Variants in ADGRG1 observed in about 807,000 individuals in gnomAD.
ADGRG1 encodes the protein adhesion G protein-coupled receptor G1, also known as 7-transmembrane protein with no EGF-like N-terminal domains-1.
Under a neutral mutation model 73.5 loss-of-function variants are expected in ADGRG1, and 53 were observed. That is an observed-to-expected ratio of 0.72 (90% confidence interval 0.58 to 0.91). The LOEUF (loss-of-function observed/expected upper bound fraction) is 0.91. Ranked by LOEUF, ADGRG1 falls within the 40% of genes least tolerant of loss-of-function variation. ADGRG1 has a pLI of 0.00. For missense variants in ADGRG1, 795 were observed against 871.8 expected (o/e 0.91, Z 1.11); for synonymous variants, 394 against 374.4 (o/e 1.05, Z -0.60).
In ADGRG1 at chr16:57,665,465, A is replaced by T. The variant is rs1202431234; in HGVS notation, c.*1883A>T. ...TCCAAAACATTTTCTGGCCAAAGAG[A>T]TTACAGTCAAAAGCTGCCTGGTCCT... On this transcript the variant is annotated 3_prime_UTR_variant, in exon 14 of 14. Coordinates refer to ENST00000562631, the MANE Select transcript of ADGRG1 (RefSeq NM_201525.4). 1 of 152,194 alleles carries T rather than the reference A, an allele frequency of 6.6e-6. No individual in the cohort carries two copies. The highest frequency in any genetic ancestry group is 2.4e-5 in the African/African-American group (1 of 41,440). 9.4% of individuals were successfully genotyped at this position (152,194 alleles called of 1,614,324 possible).
At chr16:57,636,435 A>T in intron 1 of ADGRG1, 1 of 985,228 alleles carries the variant, frequency 1.0e-6, no homozygotes, top group African/African-American at 1.7e-5. Flanking sequence ...TTCAGATCCT[A>T]TCAGGCTATG....
chr16:57,652,461 G>T (rs981475279), intron 3 of ADGRG1, among the ~76,000 whole-genome samples: 3 of 152,120 alleles, frequency 2.0e-5, no homozygotes, highest in Non-Finnish European at 2.9e-5. Flanking sequence ...AGTGGTGGGG[G>T]GTTCCCCACA....
intron 1 of ADGRG1, 26 bp downstream of exon 1, chr16:57,628,828 G>A: frequency 1.0e-6 from 1 of 986,034 alleles, no homozygotes. Flanking sequence ...CTGGACAGCA[G>A]GTGGGAAGGG....
chr16:57,653,840 T>C (rs2044759647), intron 4 of ADGRG1, 146 bp from the exon 5 acceptor site: 1 of 1,568,436 alleles, frequency 6.4e-7, no homozygotes, highest in Admixed American at 1.7e-5. Context: ...CCACTCTCTC[T>C]TGCCCACCCC....
At chr16:57,651,172 G>T (rs1305038182) in intron 2 of ADGRG1, 28 bp from the exon 3 acceptor site, 2 of 1,613,434 alleles carry the variant, frequency 1.2e-6, no homozygotes, top group Non-Finnish European at 1.7e-6. Context: ...CTGCCACGGG[G>T]TCCCATCTGC....
intron 4 of ADGRG1, 47 bp from the exon 5 acceptor site, chr16:57,653,939 G>T (rs1323166493): frequency 6.8e-6 from 11 of 1,611,732 alleles, no homozygotes; most frequent in East Asian, 2.2e-5. Flanking sequence ...CTCCCTGGTG[G>T]CCCGGCCCCC....
At chr16:57,645,698 C>T (rs1479527037) in intron 1 of ADGRG1, among the ~76,000 whole-genome samples, 1 of 152,210 alleles carries the variant, frequency 6.6e-6, no homozygotes, top group Non-Finnish European at 1.5e-5. Context: ...AGCTCCCAAG[C>T]CCACCCCATC....
chr16:57,623,818 G>C, upstream of ADGRG1: 1 of 985,402 alleles, frequency 1.0e-6, no homozygotes, highest in Non-Finnish European at 1.2e-6. Flanking sequence ...CCTGTGTCCA[G>C]GAGGCTTTCC....
intron 1 of ADGRG1, chr16:57,643,931 G>A: frequency 1.0e-6 from 1 of 983,712 alleles, no homozygotes; most frequent in Non-Finnish European, 1.2e-6. Flanking sequence ...GTAGCCCTGA[G>A]TGCCACCTGG....
At chr16:57,637,450 T>C in intron 1 of ADGRG1, 1 of 985,352 alleles carries the variant, frequency 1.0e-6, no homozygotes, top group East Asian at 1.1e-4. Context: ...AGGCGTGGTG[T>C]GCCTCGTCTG....
chr16:57,655,934 C>T lies in ADGRG1; in HGVS notation c.959C>T (p.Thr320Ile). Residue 320 changes from threonine (T) to isoleucine (I), a missense_variant, in exon 7 of 14, where the codon ACC becomes ATC. Thr to Ile is a moderately conservative substitution (Grantham distance 89). Coordinates refer to ENST00000562631, the MANE Select transcript of ADGRG1 (RefSeq NM_201525.4). The stretch of plus-strand genomic sequence containing the variant: ...GTCTTGGGGATTGTGGTACAGAACA[C>T]CAAAGTAGCCAACCTCACGGAGCCC... ...EKVLGIVVQN[T>I]KVANLTEPVV... is the part of the protein sequence containing the mutation. 1 of 1,614,174 alleles carries T rather than the reference C, an allele frequency of 6.2e-7. No individual in the cohort carries two copies. Among genetic ancestry groups the T allele is most frequent in the South Asian group, 1.1e-5 (1 of 91,088 alleles).
At chr16:57,627,731 CGGA>C (rs146296917), upstream of ADGRG1, 322,881 of 926,440 alleles carry the variant, frequency 0.35, 58,219 homozygotes, top group African/African-American at 0.54. Flanking sequence ...CCTCATTGCT[CGGA>C]GGAGGAGGGC....
intron 11 of ADGRG1, chr16:57,660,375 A>C (rs2046787230): frequency 1.0e-6 from 1 of 985,026 alleles, no homozygotes. Flanking sequence ...GGGAGCTTCT[A>C]ATCTCCACCG....
rs535468446 is a variant in ADGRG1, at chr16:57,651,795, T to G, written c.487+173T>G. On this transcript the variant is annotated intron_variant, in intron 3 of 13. Coordinates refer to ENST00000562631, the MANE Select transcript of ADGRG1 (RefSeq NM_201525.4). ...GAGGGGAGGAGTGTAATCCAAGTGC[T>G]AGGATTACAGGCATGAACCACTGCG... The G allele has an allele frequency of 6.3e-5, 94 of 1,490,484 alleles. 1 individual carries two copies. In the South Asian group the frequency reaches 1.1e-3, roughly 17 times the overall value. The allele number at this position is 1,490,484 out of a possible 1,614,324, so 92.3% of individuals were successfully genotyped here.
At chr16:57,636,623 A>C (rs774522964) in intron 1 of ADGRG1, 82 of 984,896 alleles carry the variant, frequency 8.3e-5, no homozygotes, top group Non-Finnish European at 9.8e-5. Flanking sequence ...ATCTTCTATC[A>C]GGAATGGCTA....
At chr16:57,655,027 C>A (rs181450341) in intron 5 of ADGRG1, 2 of 982,820 alleles carry the variant, frequency 2.0e-6, no homozygotes, top group African/African-American at 3.5e-5. Flanking sequence ...GCCACACACC[C>A]CATCTTGAGA....
intron 1 of ADGRG1, chr16:57,630,179 C>G (rs1299741035): frequency 2.5e-6 from 1 of 397,400 alleles, no homozygotes; most frequent in Non-Finnish European, 3.4e-6. Context: ...AGCCCCCTGC[C>G]CCTCCCAGAG....
chr16:57,645,342 C>T (rs2042334244), intron 1 of ADGRG1: 3 of 984,688 alleles, frequency 3.0e-6, no homozygotes, highest in South Asian at 4.7e-5. Context: ...GGGGCTCCCT[C>T]GTTCCTCCCT....
chr16:57,655,992 G>A lies in ADGRG1; in HGVS notation c.1017G>A (p.Pro339=), dbSNP rs377565870. 11 of 1,613,924 alleles carry A rather than the reference G, an allele frequency of 6.8e-6. No individual in the cohort carries two copies. Among genetic ancestry groups the A allele is most frequent in the African/African-American group, 5.3e-5 (4 of 74,930 alleles). ...VVLTFQHQLQ[P]KNVTLQCVFW... ...TCACTTTCCAGCACCAGCTACAGCC[G>A]GTGAGTGGGGGCCAGCCATCAAGAG... The change falls in exon 7 of 14, where the codon CCG becomes CCA. Residue 339 remains proline (P), a splice_region_variant and synonymous_variant. Coordinates refer to ENST00000562631, the MANE Select transcript of ADGRG1 (RefSeq NM_201525.4).
Sources: gnomAD v4.1 joint callset for allele counts (sites outside exome capture counted in the v4.1 genomes callset) on GRCh38, gnomAD v4.1.1 for gene constraint, MANE v1.5 for transcripts, NCBI Gene and HGNC (gene_info 2026-07-23, HGNC 2026-07-21) for gene names.